GRM3: variants seen among roughly 807,000 people sequenced by gnomAD.
GRM3 encodes metabotropic glutamate receptor 3.
Under a neutral mutation model 70.5 loss-of-function variants are expected in GRM3, and 26 were observed. The observed-to-expected ratio is 0.37, with a 90% CI of 0.27 to 0.51. The LOEUF is 0.51. Among genes scored for constraint, GRM3 ranks in the 20% least tolerant of loss-of-function variants. GRM3 has a pLI of 0.93. For synonymous variants in GRM3, 443 were observed against 434.9 expected, an observed-to-expected ratio of 1.02 and a Z score of -0.23; for missense variants, 859 against 1,123.8, an observed-to-expected ratio of 0.76 and a Z score of 3.37.
Position 86,864,371 on chromosome 7 carries a change from C to T in GRM3, c.*16C>T, listed in dbSNP as rs747809326. ...ATCTCTGTGATTGTGAATTGCAGTT[C>T]AGTTCTTGTGTTTTTAGACTGTTAG... is the stretch of plus-strand genomic sequence containing the variant. On this transcript the variant is annotated 3_prime_UTR_variant, in exon 6 of 6. Transcript: ENST00000361669. 20 of 1,598,298 alleles carry T rather than the reference C, an allele frequency of 1.3e-5. No homozygotes were observed. The highest frequency in any genetic ancestry group is 1.5e-5 in the Non-Finnish European group (18 of 1,165,934).
chr7:86,655,850 GT>G (rs1354880071), intron 1 of GRM3, among the ~76,000 whole-genome samples: 4 of 136,344 alleles, frequency 2.9e-5, no homozygotes, highest in African/African-American at 1.3e-4. Context: ...GTGTGTGTGT[GT>G]GGGTGGGTGG....
intron 1 of GRM3, among the ~76,000 whole-genome samples, chr7:86,711,344 A>G (rs527498957): frequency 1.3e-5 from 2 of 152,220 alleles, no homozygotes; most frequent in African/African-American, 2.4e-5. Flanking sequence ...ACATATGTAT[A>G]TAAATATGTA....
intron 1 of GRM3, among the ~76,000 whole-genome samples, chr7:86,695,383 G>C (rs927197544): frequency 6.6e-6 from 1 of 152,094 alleles, no homozygotes; most frequent in Non-Finnish European, 1.5e-5. Flanking sequence ...ATAATGTTCA[G>C]TTTCGAATAT....
At chr7:86,852,664 C>T (rs1798775696) in intron 5 of GRM3, among the ~76,000 whole-genome samples, 1 of 152,084 alleles carries the variant, frequency 6.6e-6, no homozygotes, top group South Asian at 2.1e-4. Flanking sequence ...CTAATCAATA[C>T]AAATCAATGA....
At chr7:86,772,048 T>C (rs1428580968) in intron 2 of GRM3, among the ~76,000 whole-genome samples, 10 of 152,086 alleles carry the variant, frequency 6.6e-5, no homozygotes, top group Non-Finnish European at 1.3e-4. Context: ...TGCCCCTCCA[T>C]TACTAAGTAA....
chr7:86,653,933 C>CT (rs1225241946), intron 1 of GRM3, among the ~76,000 whole-genome samples: 1 of 152,100 alleles, frequency 6.6e-6, no homozygotes, highest in African/African-American at 2.4e-5. Context: ...TAGTTATGCC[C>CT]TTATGAGCTA....
chr7:86,678,821 AT>A (rs1794370516), intron 1 of GRM3, among the ~76,000 whole-genome samples: 1 of 151,992 alleles, frequency 6.6e-6, no homozygotes, highest in Non-Finnish European at 1.5e-5. Flanking sequence ...GAGTCAACAT[AT>A]TTGCAGTGTA....
chr7:86,848,109 C>T (rs1798691208), intron 4 of GRM3, among the ~76,000 whole-genome samples: 1 of 152,164 alleles, frequency 6.6e-6, no homozygotes, highest in Non-Finnish European at 1.5e-5. Flanking sequence ...CATCCATGAC[C>T]TTGGTAGGCC....
chr7:86,764,373 GAGTTTAT>G (rs1332171255), intron 1 of GRM3, among the ~76,000 whole-genome samples: 1 of 152,120 alleles, frequency 6.6e-6, no homozygotes, highest in East Asian at 1.9e-4. Flanking sequence ...GAACTACAGT[GAGTTTAT>G]AGTTTATTCA....
chr7:86,846,939 C>T (rs958695280), intron 4 of GRM3, among the ~76,000 whole-genome samples: 6 of 152,184 alleles, frequency 3.9e-5, no homozygotes, highest in Non-Finnish European at 5.9e-5. Context: ...CACAGTTTTA[C>T]TAATGCTAGC....
In GRM3 at chr7:86,647,414, A is replaced by G. The variant is rs549149261; in HGVS notation, c.-141+2542A>G. Among the ~76,000 whole-genome samples, 6 of 152,306 alleles carry G rather than the reference A, an allele frequency of 3.9e-5. No individual in the cohort carries two copies. The East Asian group carries it at 1.2e-3, about 29-fold the overall frequency. On this transcript the variant is annotated intron_variant, in intron 1 of 5. Transcript: ENST00000361669. Reference sequence around the variant, plus strand: ...GTTTTCCTGCACTAAACATCATCCCAATATTCTACTAAACAAAAGAAATGA... The same window carrying G: ...GTTTTCCTGCACTAAACATCATCCCGATATTCTACTAAACAAAAGAAATGA...
rs566923506 is a variant in GRM3, at chr7:86,828,066, C to A, written c.1325-10773C>A. 3.0e-5 allele frequency among the ~76,000 whole-genome samples: 4 copies of A among 134,194 alleles called. No individual in the cohort carries two copies. In the East Asian group the frequency reaches 8.9e-4, roughly 30 times the overall value. The allele number at this position is 134,194 out of a possible 152,430, so 88.0% of individuals were successfully genotyped here. A position where few individuals can be genotyped will look rare whatever the true frequency, so the allele number is the denominator to read the frequency against. On this transcript the variant is annotated intron_variant, in intron 3 of 5. Transcript: ENST00000361669. Reference sequence around the variant, plus strand: ...GGCAGAGCTTGCAGTGAGCCGAGATCGTGCCACTGCACTACAGCCTGGGCG... The same window carrying A: ...GGCAGAGCTTGCAGTGAGCCGAGATAGTGCCACTGCACTACAGCCTGGGCG...
intron 4 of GRM3, among the ~76,000 whole-genome samples, chr7:86,841,431 G>A (rs1798557598): frequency 6.6e-6 from 1 of 152,170 alleles, no homozygotes; most frequent in Non-Finnish European, 1.5e-5. Context: ...CTACAGGGGA[G>A]TTGGAGTGTT....
chr7:86,850,748 C>T (rs1424233052), intron 5 of GRM3, among the ~76,000 whole-genome samples: 2 of 152,094 alleles, frequency 1.3e-5, no homozygotes, highest in Non-Finnish European at 2.9e-5. Context: ...TCTGTTTGGG[C>T]AGCACATACA....
intron 1 of GRM3, among the ~76,000 whole-genome samples, chr7:86,756,683 G>T (rs947005627): frequency 2.6e-5 from 4 of 151,864 alleles, no homozygotes; most frequent in African/African-American, 4.8e-5. Flanking sequence ...ACTACATATG[G>T]TTTTATTTAT....
chr7:86,824,672 A>G (rs187549383), intron 3 of GRM3, among the ~76,000 whole-genome samples: 1 of 152,202 alleles, frequency 6.6e-6, no homozygotes, highest in Admixed American at 6.5e-5. Context: ...CACATGTACT[A>G]CTAACTTTCT....
intron 1 of GRM3, among the ~76,000 whole-genome samples, chr7:86,763,153 T>G (rs1796521488): frequency 6.6e-6 from 1 of 152,100 alleles, no homozygotes; most frequent in African/African-American, 2.4e-5. Flanking sequence ...AGCACATGAA[T>G]AGTGTGGCTT....
intron 1 of GRM3, among the ~76,000 whole-genome samples, chr7:86,718,702 G>A (rs1307939462): frequency 2.0e-5 from 3 of 151,968 alleles, no homozygotes; most frequent in South Asian, 2.1e-4. Context: ...CAGAACACCC[G>A]GGTGACAGTA....
chr7:86,757,003 A>G (rs954606923), intron 1 of GRM3, among the ~76,000 whole-genome samples: 1 of 152,018 alleles, frequency 6.6e-6, no homozygotes, highest in African/African-American at 2.4e-5. Flanking sequence ...TAAATATTGT[A>G]CTTCTGAGTT....
Sources: gnomAD v4.1 joint callset for allele counts (sites outside exome capture counted in the v4.1 genomes callset) on GRCh38, gnomAD v4.1.1 for gene constraint, MANE v1.5 for transcripts, NCBI Gene and HGNC (gene_info 2026-07-23, HGNC 2026-07-21) for gene names.